The following PCDH11X variants were observed in gnomAD, a reference collection of about 807,000 sequenced individuals.
PCDH11X encodes the protein protocadherin-11 X-linked.
Under a neutral mutation model 53.3 loss-of-function variants are expected in PCDH11X, and 18 were observed. That is an observed-to-expected ratio of 0.34 (90% CI 0.23 to 0.50). The LOEUF (loss-of-function observed/expected upper bound fraction) is 0.50. PCDH11X is among the 20% of genes least tolerant of loss of function. PCDH11X has a pLI of 0.98. For missense variants in PCDH11X, 570 were observed against 1,032.4 expected, an observed-to-expected ratio of 0.55 and a Z score of 6.14; for synonymous variants, 279 against 393.3, an observed-to-expected ratio of 0.71 and a Z score of 3.44.
intron 6 of PCDH11X, among the ~76,000 whole-genome samples, chrX:92,071,321 A>G (rs1188489734): frequency 3.6e-5 from 4 of 110,916 alleles, no homozygotes; most frequent in Non-Finnish European, 5.6e-5. Context: ...TTTCCACTCT[A>G]GAATTGTTGG....
At chrX:92,438,234 T>C in intron 9 of PCDH11X, among the ~76,000 whole-genome samples, 1 of 112,024 alleles carries the variant, frequency 8.9e-6, no homozygotes, top group Middle Eastern at 4.7e-3. Flanking sequence ...TTTATTGTTT[T>C]AAAAATTGCA....
At chrX:91,853,086 TAAA>T (rs751993643) in intron 5 of PCDH11X, among the ~76,000 whole-genome samples, 1 of 105,028 alleles carries the variant, frequency 9.5e-6, no homozygotes, top group Non-Finnish European at 2.0e-5. Flanking sequence ...AGTCCTTTGA[TAAA>T]AAGATATTTT....
intron 7 of PCDH11X, among the ~76,000 whole-genome samples, chrX:92,203,365 G>T (rs2066423334): frequency 8.9e-6 from 1 of 112,599 alleles, no homozygotes; most frequent in African/African-American, 3.2e-5. Context: ...GTATTTCACA[G>T]AGTTAATTTA....
At chrX:92,492,646 G>T (rs371827841) in intron 10 of PCDH11X, among the ~76,000 whole-genome samples, 256 of 109,085 alleles carry the variant, frequency 2.3e-3, no homozygotes, top group African/African-American at 8.0e-3. Flanking sequence ...GTGCACAATT[G>T]TGGGAAAGTG....
chrX:92,326,271 G>C (rs1033738895), intron 8 of PCDH11X, among the ~76,000 whole-genome samples: 1 of 109,340 alleles, frequency 9.1e-6, no homozygotes, highest in Admixed American at 9.9e-5. Context: ...TAGACTCGGG[G>C]TAATCAGATT....
intron 6 of PCDH11X, among the ~76,000 whole-genome samples, chrX:92,067,489 C>T (rs973937242): frequency 9.0e-6 from 1 of 111,439 alleles, no homozygotes; most frequent in Non-Finnish European, 1.9e-5. Context: ...GTCATCTTTG[C>T]ATCCTTGTGA....
At chrX:92,554,351 C>A (rs2075012948) in intron 10 of PCDH11X, among the ~76,000 whole-genome samples, 1 of 101,309 alleles carries the variant, frequency 9.9e-6, no homozygotes, top group Non-Finnish European at 2.0e-5. Flanking sequence ...CAGCTAAACA[C>A]TAAAATTTAG....
chrX:92,043,087 T>A (rs2063235275), intron 6 of PCDH11X, among the ~76,000 whole-genome samples: 1 of 109,092 alleles, frequency 9.2e-6, no homozygotes, highest in African/African-American at 3.4e-5. Context: ...TTGAAAGAGA[T>A]GATACTTGTT....
chrX:92,169,902 T>G (rs1397286355), intron 6 of PCDH11X, among the ~76,000 whole-genome samples: 4 of 110,740 alleles, frequency 3.6e-5, no homozygotes, highest in Non-Finnish European at 5.7e-5. Flanking sequence ...TACATATAGG[T>G]TAATATTAAC....
chrX:92,228,564 T>C (rs1310883896), intron 7 of PCDH11X, among the ~76,000 whole-genome samples: 4 of 111,549 alleles, frequency 3.6e-5, no homozygotes, highest in Non-Finnish European at 7.5e-5. Flanking sequence ...CCTTACTAAC[T>C]ATACAACAAT....
chrX:91,816,624 A>G (rs2064789020), intron 4 of PCDH11X, among the ~76,000 whole-genome samples: 1 of 111,268 alleles, frequency 9.0e-6, no homozygotes, highest in Admixed American at 9.6e-5. Flanking sequence ...AAGTCTGCAC[A>G]AAAGTAGAAA....
intron 7 of PCDH11X, among the ~76,000 whole-genome samples, chrX:92,257,101 G>A (rs2067608002): frequency 9.0e-6 from 1 of 111,566 alleles, no homozygotes; most frequent in Admixed American, 9.5e-5. Flanking sequence ...TGCAATCATG[G>A]TGAAAGGCAA....
chrX:92,413,005 T>C (rs1256283665), intron 9 of PCDH11X, among the ~76,000 whole-genome samples: 1 of 94,572 alleles, frequency 1.1e-5, no homozygotes, highest in Non-Finnish European at 2.1e-5. Context: ...GCTTTATTTA[T>C]GTTGTTTTCT....
chrX:92,162,584 T>G (rs1369405541), intron 6 of PCDH11X, among the ~76,000 whole-genome samples: 1 of 109,188 alleles, frequency 9.2e-6, no homozygotes, highest in Admixed American at 9.9e-5. Flanking sequence ...AGAGCGGAAC[T>G]CTAATAATTG....
intron 6 of PCDH11X, among the ~76,000 whole-genome samples, chrX:92,146,992 C>G (rs1337876430): frequency 9.1e-6 from 1 of 110,197 alleles, no homozygotes; most frequent in Non-Finnish European, 1.9e-5. Flanking sequence ...GACTGAGACT[C>G]CATCTCAAAA....
chrX:91,867,220 A>C (rs1009437047), intron 5 of PCDH11X, among the ~76,000 whole-genome samples: 1 of 111,776 alleles, frequency 8.9e-6, no homozygotes, highest in African/African-American at 3.2e-5. Context: ...TGAAGAAAAA[A>C]ATCACTAGTA....
intron 6 of PCDH11X, among the ~76,000 whole-genome samples, chrX:92,091,411 A>G (rs367625649): frequency 9.0e-6 from 1 of 110,766 alleles, no homozygotes; most frequent in East Asian, 2.9e-4. Flanking sequence ...CTCTATATGT[A>G]ATTATTCTTG....
chrX:91,938,584 T>A (rs2061473094), intron 6 of PCDH11X, among the ~76,000 whole-genome samples: 1 of 110,266 alleles, frequency 9.1e-6, no homozygotes, highest in Non-Finnish European at 1.9e-5. Context: ...AGGGTCTCCC[T>A]TGGGTATTCA....
intron 6 of PCDH11X, among the ~76,000 whole-genome samples, chrX:92,063,619 G>GA (rs2063559073): frequency 8.9e-6 from 1 of 112,082 alleles, no homozygotes; most frequent in African/African-American, 3.2e-5. Flanking sequence ...TTGGATGTGA[G>GA]AAAACACTCT....
Sources: gnomAD v4.1 joint callset for allele counts (sites outside exome capture counted in the v4.1 genomes callset) on GRCh38, gnomAD v4.1.1 for gene constraint, MANE v1.5 for transcripts, NCBI Gene and HGNC (gene_info 2026-07-23, HGNC 2026-07-21) for gene names.